Variants in ZZZ3 observed in about 807,000 individuals in gnomAD.
ZZZ3 encodes zinc finger ZZ-type containing 3.
A neutral mutation model predicts 95.2 loss-of-function variants in ZZZ3; 22 were observed. The observed-to-expected ratio is 0.23, with a 90% CI of 0.17 to 0.33. The LOEUF (loss-of-function observed/expected upper bound fraction) is 0.33. ZZZ3 is among the 10% of genes least tolerant of loss of function. The probability of loss-of-function intolerance (pLI) is 1.00; values close to 1 mark genes in which losing one functional copy is unlikely to be tolerated. For missense variants in ZZZ3, 885 were observed against 1,066.5 expected (o/e 0.83, Z 2.37); for synonymous variants, 335 against 358.9 (o/e 0.93, Z 0.75).
In ZZZ3 at chr1:77,563,132, A is replaced by G. The variant is rs1008314176; in HGVS notation, c.*2508T>C. On this transcript the variant is annotated 3_prime_UTR_variant, in exon 15 of 15. Coordinates refer to ENST00000370801, the MANE Select transcript of ZZZ3 (RefSeq NM_015534.6). ...CCTCCTCTACCTAAATCTTACAACA[A>G]TGGTTTTAGATATTAAAAGTTTCTT... 3.9e-5 allele frequency: 6 copies of G among 152,248 alleles called. No individual in the cohort carries two copies. The highest frequency in any genetic ancestry group is 7.3e-5 in the Non-Finnish European group (5 of 68,046). 9.4% of individuals were successfully genotyped at this position (152,248 alleles called of 1,614,324 possible). A position where few individuals can be genotyped will look rare whatever the true frequency, so the allele number is the denominator to read the frequency against.
intron 5 of ZZZ3, among the ~76,000 whole-genome samples, chr1:77,592,026 A>G (rs1570448334): frequency 6.6e-6 from 1 of 152,068 alleles, no homozygotes; most frequent in African/African-American, 2.4e-5. Context: ...GTCTCTCCCC[A>G]TTAAGCTGGG....
intron 5 of ZZZ3, among the ~76,000 whole-genome samples, chr1:77,625,067 A>G (rs1667218346): frequency 6.6e-6 from 1 of 152,188 alleles, no homozygotes; most frequent in East Asian, 1.9e-4. Context: ...TGAGTATAGA[A>G]GGAAAAAAGT....
At chr1:77,583,829 G>T (rs375450279) in intron 6 of ZZZ3, among the ~76,000 whole-genome samples, 2 of 151,814 alleles carry the variant, frequency 1.3e-5, no homozygotes, top group South Asian at 2.1e-4. Flanking sequence ...CAATTAGTGG[G>T]TCCCTATTAC....
At chr1:77,592,732 C>CA (rs1437319936) in intron 5 of ZZZ3, among the ~76,000 whole-genome samples, 3 of 152,094 alleles carry the variant, frequency 2.0e-5, no homozygotes, top group African/African-American at 7.2e-5. Context: ...TAAAAGGAAG[C>CA]AAATAAAATA....
intron 1 of ZZZ3, among the ~76,000 whole-genome samples, chr1:77,644,012 A>G (rs1669022270): frequency 6.6e-6 from 1 of 152,210 alleles, no homozygotes; most frequent in African/African-American, 2.4e-5. Context: ...GAGACATTCA[A>G]CGTCAGTTGT....
chr1:77,589,378 G>C (rs1424104968), intron 5 of ZZZ3, among the ~76,000 whole-genome samples: 1 of 151,918 alleles, frequency 6.6e-6, no homozygotes. Context: ...GACATCTGAA[G>C]AGAACATCAA....
chr1:77,653,557 C>A (rs1213582082), intron 1 of ZZZ3, among the ~76,000 whole-genome samples: 1 of 151,624 alleles, frequency 6.6e-6, no homozygotes, highest in Non-Finnish European at 1.5e-5. Flanking sequence ...AGTTCAAGAC[C>A]AGCCTGACCG....
chr1:77,652,992 TC>T (rs1669944599), intron 1 of ZZZ3, among the ~76,000 whole-genome samples: 1 of 152,054 alleles, frequency 6.6e-6, no homozygotes, highest in Admixed American at 6.6e-5. Context: ...TTCGAGACCA[TC>T]TTGGGCAACA....
chr1:77,565,801 A>G lies in ZZZ3; in HGVS notation c.2568-17T>C. On this transcript the variant is annotated splice_polypyrimidine_tract_variant and intron_variant, in intron 14 of 14. Transcript: ENST00000370801. ...TCATGTAGACTGTAAAGAAAAAAAG[A>G]CACACATCATTACATGGTAGTGGAT... 1.2e-6 allele frequency: 2 copies of G among 1,604,426 alleles called. No homozygotes were observed.
At chr1:77,621,033 C>T (rs71641308) in intron 5 of ZZZ3, among the ~76,000 whole-genome samples, 7,809 of 152,068 alleles carry the variant, frequency 0.051, 300 homozygotes, top group Non-Finnish European at 0.079. Context: ...ATACTGCCAG[C>T]GAAAAATAAT....
At chr1:77,609,308 G>C (rs184342997) in intron 5 of ZZZ3, among the ~76,000 whole-genome samples, 3 of 152,252 alleles carry the variant, frequency 2.0e-5, no homozygotes, top group Non-Finnish European at 2.9e-5. Context: ...ACTATGTAAT[G>C]ATGAAGGGAT....
intron 5 of ZZZ3, among the ~76,000 whole-genome samples, chr1:77,617,757 G>A (rs1193510736): frequency 3.4e-5 from 5 of 148,780 alleles, no homozygotes; most frequent in Admixed American, 6.7e-5. Flanking sequence ...AAGCCAACAC[G>A]TGAAACCCTG....
intron 1 of ZZZ3, among the ~76,000 whole-genome samples, chr1:77,669,952 T>C (rs1210591832): frequency 6.6e-6 from 1 of 151,868 alleles, no homozygotes; most frequent in Non-Finnish European, 1.5e-5. Context: ...TAAAACGGGA[T>C]TGAGGTAATA....
rs2024135660 is a variant in ZZZ3 at position 77,563,847 on chromosome 1, TTATATC to T, written c.*1787_*1792del. The T allele has an allele frequency of 2.6e-5, 4 of 152,164 alleles. No individual in the cohort carries two copies. Among genetic ancestry groups the T allele is most frequent in the Non-Finnish European group, 2.9e-5 (2 of 68,014 alleles). The allele number at this position is 152,164 out of a possible 1,614,324, so 9.4% of individuals were successfully genotyped here. On this transcript the variant is annotated 3_prime_UTR_variant, in exon 15 of 15. Transcript: ENST00000370801. ...TTTACTTTCCTTCTGTTATGATATA[TTATATC>T]TATATCATCAGTGATCTTTAATCAA...
At chr1:77,610,597 TA>T (rs998678273) in intron 5 of ZZZ3, among the ~76,000 whole-genome samples, 27 of 146,040 alleles carry the variant, frequency 1.8e-4, no homozygotes, top group African/African-American at 2.2e-4. Context: ...AACAATACAT[TA>T]AAAAAAAAAA....
intron 5 of ZZZ3, among the ~76,000 whole-genome samples, chr1:77,609,198 T>C (rs1368983572): frequency 2.6e-5 from 4 of 152,100 alleles, no homozygotes; most frequent in Non-Finnish European, 5.9e-5. Context: ...AAAAAAGATA[T>C]TTCCTGCCAA....
At chr1:77,572,854 C>T (rs1661540010) in intron 12 of ZZZ3, among the ~76,000 whole-genome samples, 1 of 151,264 alleles carries the variant, frequency 6.6e-6, no homozygotes, top group African/African-American at 2.4e-5. Context: ...CTATGTTGCC[C>T]AGGCTGGTCT....
At chr1:77,654,602 AT>A (rs1670105940) in intron 1 of ZZZ3, among the ~76,000 whole-genome samples, 1 of 152,328 alleles carries the variant, frequency 6.6e-6, no homozygotes, top group Admixed American at 6.5e-5. Context: ...TTCACTCTAT[AT>A]TAACAGACTG....
chr1:77,606,126 T>G lies in ZZZ3; in HGVS notation c.1506-21471A>C, dbSNP rs181771709. On this transcript the variant is annotated intron_variant, in intron 5 of 14. Transcript: ENST00000370801. ...GGGGTCCACTACCCTGAAGTGTTAC[T>G]CCCCAACCTGGCAGCATTGACTACA... Among the ~76,000 whole-genome samples the G allele has an allele frequency of 2.4e-4, 37 of 152,066 alleles. 1 individual carries two copies. The highest frequency in any genetic ancestry group is 3.9e-4 in the Admixed American group (6 of 15,276).
Sources: gnomAD v4.1 joint callset for allele counts (sites outside exome capture counted in the v4.1 genomes callset) on GRCh38, gnomAD v4.1.1 for gene constraint, MANE v1.5 for transcripts, NCBI Gene and HGNC (gene_info 2026-07-23, HGNC 2026-07-21) for gene names.